Variants in TTC27 observed in about 807,000 individuals in gnomAD.
TTC27 encodes tetratricopeptide repeat domain 27, also known as tetratricopeptide repeat protein 27.
In TTC27, 79 loss-of-function variants were observed where a neutral mutation model predicts 115.9. That is an observed-to-expected ratio of 0.68 (90% CI 0.57 to 0.82). TTC27 has a LOEUF of 0.82. Ranked by LOEUF, TTC27 falls within the 40% of genes least tolerant of loss-of-function variation. The probability of loss-of-function intolerance (pLI) is 0.00; values close to 1 mark genes in which losing one functional copy is unlikely to be tolerated. For missense variants in TTC27, 1,054 were observed against 993.1 expected (o/e 1.06, Z -0.82); for synonymous variants, 401 against 356.0 (o/e 1.13, Z -1.42).
intron 1 of TTC27, among the ~76,000 whole-genome samples, chr2:32,629,332 C>T (rs2063540384): frequency 6.6e-6 from 1 of 151,986 alleles, no homozygotes; most frequent in South Asian, 2.1e-4. Flanking sequence ...GTTGGTCAGG[C>T]TGGTCTGGAA....
chr2:32,798,713 A>AAAAAAATAAAT (rs1368512271), intron 16 of TTC27, among the ~76,000 whole-genome samples: 16 of 142,348 alleles, frequency 1.1e-4, no homozygotes, highest in African/African-American at 4.3e-4. Flanking sequence ...TCAAAAAAAA[A>AAAAAAATAAAT]AATAATAATA....
intron 11 of TTC27, among the ~76,000 whole-genome samples, chr2:32,734,663 C>G (rs1274467582): frequency 2.0e-5 from 3 of 152,086 alleles, no homozygotes; most frequent in Non-Finnish European, 4.4e-5. Flanking sequence ...CTTAAGACAC[C>G]TGACCCAGTT....
chr2:32,755,374 A>G (rs913488938), intron 12 of TTC27, among the ~76,000 whole-genome samples: 5 of 152,200 alleles, frequency 3.3e-5, no homozygotes, highest in African/African-American at 7.2e-5. Flanking sequence ...CGCGGTTAGG[A>G]GCTGGAGACC....
At chr2:32,817,054 C>A (rs189505001) in intron 18 of TTC27, among the ~76,000 whole-genome samples, 172 of 152,162 alleles carry the variant, frequency 1.1e-3, no homozygotes, top group African/African-American at 4.0e-3. Context: ...CCAAAAATCA[C>A]CTGTTTTTCC....
At chr2:32,802,710 C>G (rs1670995529) in intron 16 of TTC27, among the ~76,000 whole-genome samples, 1 of 152,188 alleles carries the variant, frequency 6.6e-6, no homozygotes, top group African/African-American at 2.4e-5. Flanking sequence ...GCATCCTAAT[C>G]TTCTTTGCAG....
intron 13 of TTC27, among the ~76,000 whole-genome samples, chr2:32,772,593 A>G (rs1669866170): frequency 6.6e-6 from 1 of 152,186 alleles, no homozygotes; most frequent in Non-Finnish European, 1.5e-5. Context: ...TTTGTGCTAC[A>G]TGATTTTCTC....
intron 10 of TTC27, among the ~76,000 whole-genome samples, chr2:32,733,283 T>C (rs1294052516): frequency 1.3e-5 from 2 of 152,214 alleles, no homozygotes; most frequent in African/African-American, 4.8e-5. Context: ...TGTATGTGGG[T>C]TGCAGCTGCC....
At chr2:32,674,684 A>G (rs1666133919) in intron 8 of TTC27, among the ~76,000 whole-genome samples, 1 of 145,162 alleles carries the variant, frequency 6.9e-6, no homozygotes, top group African/African-American at 2.5e-5. Context: ...TTTGAGACAG[A>G]GTCTCGCTGT....
intron 8 of TTC27, among the ~76,000 whole-genome samples, chr2:32,674,488 T>C (rs1334508908): frequency 2.0e-5 from 3 of 152,112 alleles, no homozygotes; most frequent in African/African-American, 7.2e-5. Flanking sequence ...ACTCACCCTT[T>C]GGTGTTCACC....
At chr2:32,698,275 A>C (rs529181422) in intron 9 of TTC27, among the ~76,000 whole-genome samples, 1 of 151,792 alleles carries the variant, frequency 6.6e-6, no homozygotes, top group East Asian at 1.9e-4. Flanking sequence ...AACTACCTGC[A>C]CATGCCACCA....
At chr2:32,684,224 T>A (rs531953478) in intron 9 of TTC27, among the ~76,000 whole-genome samples, 52 of 152,242 alleles carry the variant, frequency 3.4e-4, no homozygotes, top group African/African-American at 1.2e-3. Flanking sequence ...GATTTCCAAT[T>A]TCATCCATGT....
At chr2:32,648,783 G>T (rs1664968343) in intron 4 of TTC27, among the ~76,000 whole-genome samples, 1 of 152,028 alleles carries the variant, frequency 6.6e-6, no homozygotes, top group African/African-American at 2.4e-5. Context: ...GGCCAAGGTG[G>T]GTGGATCACT....
chr2:32,817,485 C>G lies in TTC27; in HGVS notation c.2337C>G (p.Ser779=). The change falls in exon 19 of 20, where the codon TCC becomes TCG. Residue 779 remains serine, a synonymous_variant. Coordinates refer to ENST00000317907, the MANE Select transcript of TTC27 (RefSeq NM_017735.5). ...HVAIKCSKNK[S]SSQEAVQMLS... is the part of the protein sequence containing the mutation. ...CCATAAAATGCAGTAAAAACAAATC[C>G]AGTTCCCAAGAAGCTGTACAAATGC... 1 of 1,613,962 alleles carries G rather than the reference C, an allele frequency of 6.2e-7. No homozygotes were observed. Among genetic ancestry groups the G allele is most frequent in the South Asian group, 1.1e-5 (1 of 91,070 alleles).
At chr2:32,701,992 C>G in intron 9 of TTC27, among the ~76,000 whole-genome samples, 1 of 141,772 alleles carries the variant, frequency 7.1e-6, no homozygotes, top group African/African-American at 2.7e-5. Flanking sequence ...GCCTCAGTGA[C>G]AGAGTGAGAT....
chr2:32,648,447 T>A (rs1367143816), intron 4 of TTC27, among the ~76,000 whole-genome samples: 1 of 150,642 alleles, frequency 6.6e-6, no homozygotes, highest in African/African-American at 2.4e-5. Context: ...TTTTTTTTTT[T>A]TTTTTTTTTT....
intron 14 of TTC27, among the ~76,000 whole-genome samples, chr2:32,780,886 A>G (rs919071740): frequency 2.0e-5 from 3 of 146,870 alleles, no homozygotes; most frequent in Admixed American, 6.8e-5. Context: ...AAAATGTTCT[A>G]TATAAAAGAT....
At chr2:32,801,417 A>G (rs1158848808) in intron 16 of TTC27, among the ~76,000 whole-genome samples, 1 of 152,080 alleles carries the variant, frequency 6.6e-6, no homozygotes, top group South Asian at 2.1e-4. Context: ...CCTAACTCCA[A>G]TCACTGCCTC....
intron 14 of TTC27, among the ~76,000 whole-genome samples, chr2:32,780,556 C>T (rs933225221): frequency 6.6e-6 from 1 of 152,172 alleles, no homozygotes; most frequent in Admixed American, 6.5e-5. Context: ...TCTTCTGCCT[C>T]AGCCTCCCGA....
intron 12 of TTC27, among the ~76,000 whole-genome samples, chr2:32,741,113 C>T (rs1035656117): frequency 1.4e-4 from 22 of 152,194 alleles, no homozygotes; most frequent in African/African-American, 2.2e-4. Flanking sequence ...TTTGTAGCGC[C>T]GTCTCACTTC....
Sources: allele counts gnomAD v4.1 joint callset (sites outside exome capture counted in the v4.1 genomes callset), GRCh38; gene constraint gnomAD v4.1.1; transcripts MANE v1.5; gene names NCBI Gene and HGNC (gene_info 2026-07-23, HGNC 2026-07-21).